GSKIP: variants seen among roughly 807,000 people sequenced by gnomAD.
GSKIP encodes GSK3B interacting protein.
GSKIP carries 5 observed loss-of-function variants against 11.9 expected under a neutral mutation model. The ratio of observed to expected loss-of-function variants is 0.42; its 90% CI spans 0.22 to 0.89. The LOEUF (loss-of-function observed/expected upper bound fraction) is 0.89, where lower values mean the gene tolerates loss of function less well. Ranked by LOEUF, GSKIP falls within the 40% of genes least tolerant of loss-of-function variation. GSKIP has a pLI of 0.29. For missense variants in GSKIP, 150 were observed against 166.6 expected (o/e 0.90, Z 0.55); for synonymous variants, 70 against 62.9 (o/e 1.11, Z -0.54).
At chr14:96,374,416 A>G (rs1464755431) in intron 1 of GSKIP, among the ~76,000 whole-genome samples, 2 of 152,228 alleles carry the variant, frequency 1.3e-5, no homozygotes, top group South Asian at 2.1e-4. Flanking sequence ...CAGAATCTCA[A>G]TGAAACCTAA....
intron 1 of GSKIP, among the ~76,000 whole-genome samples, chr14:96,374,530 T>A (rs1338443151): frequency 6.6e-6 from 1 of 152,182 alleles, no homozygotes; most frequent in Non-Finnish European, 1.5e-5. Flanking sequence ...TCGAGAAACA[T>A]CTTTTTAATT....
chr14:96,381,054 C>T (rs1889333251), intron 2 of GSKIP, among the ~76,000 whole-genome samples: 1 of 152,218 alleles, frequency 6.6e-6, no homozygotes, highest in Non-Finnish European at 1.5e-5. Context: ...AGAAGTGAAA[C>T]TTTACTTTTA....
At chr14:96,371,479 C>G (rs1889045931) in intron 1 of GSKIP, among the ~76,000 whole-genome samples, 1 of 133,106 alleles carries the variant, frequency 7.5e-6, no homozygotes, top group Non-Finnish European at 1.6e-5. Flanking sequence ...GAGTCTCACT[C>G]TGTCACCCAG....
rs1195739330 is a variant in GSKIP, at chr14:96,386,439, T to C, written c.*755T>C. Reference sequence around the variant, plus strand: ...TCTTTTTCTTAACAAAAAAGCATCTTCAGTGTGTGATTTAAAAGAAAGAAG... The same window carrying C: ...TCTTTTTCTTAACAAAAAAGCATCTCCAGTGTGTGATTTAAAAGAAAGAAG... On this transcript the variant is annotated 3_prime_UTR_variant, in exon 4 of 4. Transcript: ENST00000555181. 1 of 152,606 alleles carries C rather than the reference T, an allele frequency of 6.6e-6. No individual in the cohort carries two copies. The highest frequency in any genetic ancestry group is 1.5e-5 in the Non-Finnish European group (1 of 68,030). The allele number at this position is 152,606 out of a possible 1,614,324, so 9.5% of individuals were successfully genotyped here.
chr14:96,384,905 GTGGCCT>G (rs1275247763), intron 3 of GSKIP: 5 of 151,784 alleles, frequency 3.3e-5, no homozygotes, highest in Non-Finnish European at 7.4e-5. Context: ...TTAGGTGAAA[GTGGCCT>G]TTCAGATTAC....
At chr14:96,368,199 T>C (rs1425965441) in intron 1 of GSKIP, among the ~76,000 whole-genome samples, 1 of 151,756 alleles carries the variant, frequency 6.6e-6, no homozygotes, top group Non-Finnish European at 1.5e-5. Context: ...TTTTTTTTTT[T>C]TGAGACAGAG....
intron 2 of GSKIP, chr14:96,380,313 T>C (rs1241520218): frequency 6.6e-6 from 1 of 152,248 alleles, no homozygotes; most frequent in East Asian, 1.9e-4. Context: ...GAAATAGCTT[T>C]ACATATGTTA....
At chr14:96,381,677 A>G (rs1889346553) in intron 2 of GSKIP, among the ~76,000 whole-genome samples, 1 of 152,266 alleles carries the variant, frequency 6.6e-6, no homozygotes, top group East Asian at 1.9e-4. Flanking sequence ...TTACTCAAGG[A>G]AATACATATT....
At chr14:96,368,454 G>A (rs576314668) in intron 1 of GSKIP, among the ~76,000 whole-genome samples, 7 of 152,300 alleles carry the variant, frequency 4.6e-5, no homozygotes, top group African/African-American at 1.7e-4. Context: ...ACAGGCATGA[G>A]CCACAGCACC....
rs938050485 is a variant in GSKIP, at chr14:96,387,223, T to C, written c.*1539T>C. ...TCTGTTTACTCATTTTGAGTTAGTATGAAAAAAAGTGATTGTATGTTTAAG... is the reference window on the plus strand; with the variant it reads ...TCTGTTTACTCATTTTGAGTTAGTACGAAAAAAAGTGATTGTATGTTTAAG... On this transcript the variant is annotated 3_prime_UTR_variant, in exon 4 of 4. Transcript: ENST00000555181. 1 of 152,220 alleles carries C rather than the reference T, an allele frequency of 6.6e-6. No homozygotes were observed. Among genetic ancestry groups the C allele is most frequent in the Non-Finnish European group, 1.5e-5 (1 of 68,032 alleles). The allele number at this position is 152,220 out of a possible 1,614,324, so 9.4% of individuals were successfully genotyped here. A position where few individuals can be genotyped will look rare whatever the true frequency, so the allele number is the denominator to read the frequency against.
intron 1 of GSKIP, among the ~76,000 whole-genome samples, chr14:96,377,243 G>A (rs1490410370): frequency 6.6e-6 from 1 of 152,202 alleles, no homozygotes; most frequent in East Asian, 1.9e-4. Context: ...CAACAATAAA[G>A]AACATTTCCG....
intron 2 of GSKIP, among the ~76,000 whole-genome samples, chr14:96,381,480 G>A (rs556473149): frequency 6.6e-6 from 1 of 152,250 alleles, no homozygotes; most frequent in South Asian, 2.1e-4. Context: ...ATGTAATCAT[G>A]GTATGGGGAA....
At chr14:96,383,141 G>A (rs2139944442) in intron 3 of GSKIP, among the ~76,000 whole-genome samples, 1 of 152,256 alleles carries the variant, frequency 6.6e-6, no homozygotes, top group South Asian at 2.1e-4. Context: ...CAGACCTGCG[G>A]GCTCTTACCT....
intron 1 of GSKIP, among the ~76,000 whole-genome samples, chr14:96,369,171 G>A (rs1409582648): frequency 2.6e-5 from 4 of 152,196 alleles, no homozygotes; most frequent in African/African-American, 9.6e-5. Context: ...CTTGAGTGAT[G>A]ACCTAGAGTA....
chr14:96,375,143 A>G (rs1056361700), intron 1 of GSKIP, among the ~76,000 whole-genome samples: 3 of 152,238 alleles, frequency 2.0e-5, no homozygotes, highest in African/African-American at 7.2e-5. Flanking sequence ...CTTTAAAGCA[A>G]CCACCAAAAA....
chr14:96,369,025 T>G (rs1888974350), intron 1 of GSKIP, among the ~76,000 whole-genome samples: 2 of 152,136 alleles, frequency 1.3e-5, no homozygotes, highest in South Asian at 4.1e-4. Flanking sequence ...ATATAGACAG[T>G]AAAGGCTATG....
rs755565686 is a variant in GSKIP at position 96,382,426 on chromosome 14, C to T, written c.179C>T (p.Ala60Val). Residue 60 changes from alanine (A) to valine (V), a missense_variant, in exon 3 of 4, where the codon GCG becomes GTG. Ala to Val is a moderately conservative substitution (Grantham distance 64). Coordinates refer to ENST00000555181, the MANE Select transcript of GSKIP (RefSeq NM_016472.5). ...TTTGTCTCGAAAAGCCTGCGGTGTG[C>T]GGATGATGTGGCCTATATCAATGTG... ...NMFVSKSLRC[A>V]DDVAYINVET... 40 of 1,612,392 alleles carry T rather than the reference C, an allele frequency of 2.5e-5. No homozygotes were observed. The highest frequency in any genetic ancestry group is 4.0e-5 in the African/African-American group (3 of 74,742).
chr14:96,365,948 TG>T (rs1888869432), intron 1 of GSKIP, among the ~76,000 whole-genome samples: 2 of 152,004 alleles, frequency 1.3e-5, no homozygotes, highest in African/African-American at 4.8e-5. Context: ...AAGAATAGTC[TG>T]GTGTGGAAGT....
At chr14:96,372,492 C>T (rs1889074186) in intron 1 of GSKIP, among the ~76,000 whole-genome samples, 1 of 152,152 alleles carries the variant, frequency 6.6e-6, no homozygotes, top group South Asian at 2.1e-4. Flanking sequence ...TTTTAGAGGA[C>T]TAAAAGTCTT....
Sources: gnomAD v4.1 joint callset for allele counts (sites outside exome capture counted in the v4.1 genomes callset) on GRCh38, gnomAD v4.1.1 for gene constraint, MANE v1.5 for transcripts, NCBI Gene and HGNC (gene_info 2026-07-23, HGNC 2026-07-21) for gene names.